The following NYAP2 variants were observed in gnomAD, a reference collection of about 807,000 sequenced individuals.
NYAP2 encodes the protein neuronal tyrosine-phosphorylated phosphoinositide-3-kinase adapter 2.
Under a neutral mutation model 50.4 loss-of-function variants are expected in NYAP2, and 23 were observed. The observed-to-expected ratio is 0.46, with a 90% CI of 0.33 to 0.65. NYAP2 has a LOEUF of 0.65. NYAP2 is among the 30% of genes least tolerant of loss of function. The pLI, the probability that NYAP2 is intolerant of heterozygous loss-of-function variation, is 0.02. For synonymous variants in NYAP2, 394 were observed against 365.2 expected, an observed-to-expected ratio of 1.08 and a Z score of -0.90; for missense variants, 885 against 861.0, an observed-to-expected ratio of 1.03 and a Z score of -0.35.
the NYAP2 span, among the ~76,000 whole-genome samples, chr2:225,682,852 A>C: frequency 6.6e-6 from 1 of 152,156 alleles, no homozygotes. Context: ...TGAGATCATA[A>C]AGGCAGATGT....
intron 6 of NYAP2, among the ~76,000 whole-genome samples, chr2:225,649,636 C>G (rs1240372013): frequency 1.3e-5 from 2 of 152,196 alleles, no homozygotes; most frequent in Admixed American, 1.3e-4. Flanking sequence ...CCACAAAGTG[C>G]TGAGATTATA....
At chr2:225,538,389 A>T (rs971707141) in intron 4 of NYAP2, among the ~76,000 whole-genome samples, 4 of 152,180 alleles carry the variant, frequency 2.6e-5, no homozygotes, top group Admixed American at 6.5e-5. Context: ...GGGTTCCCAA[A>T]CCCCAATTCT....
At chr2:225,553,154 C>T (rs1254825155) in intron 4 of NYAP2, among the ~76,000 whole-genome samples, 1 of 152,256 alleles carries the variant, frequency 6.6e-6, no homozygotes, top group Non-Finnish European at 1.5e-5. Flanking sequence ...GACGTCCCTG[C>T]CTGGCGGCGG....
At chr2:225,540,490 T>A (rs1163054311) in intron 4 of NYAP2, among the ~76,000 whole-genome samples, 2 of 152,102 alleles carry the variant, frequency 1.3e-5, no homozygotes, top group Non-Finnish European at 2.9e-5. Flanking sequence ...AACCATCCAA[T>A]CTCATGAGAC....
chr2:225,618,160 C>A (rs529045116), intron 5 of NYAP2, among the ~76,000 whole-genome samples: 3 of 152,250 alleles, frequency 2.0e-5, no homozygotes, highest in Admixed American at 6.5e-5. Context: ...CTCATAGGTA[C>A]CCCCAGCAGC....
At chr2:225,635,941 A>G (rs1174192527) in intron 6 of NYAP2, among the ~76,000 whole-genome samples, 2 of 152,224 alleles carry the variant, frequency 1.3e-5, no homozygotes, top group Non-Finnish European at 2.9e-5. Flanking sequence ...ATCTTCTCTA[A>G]TAAATATCCA....
intron 4 of NYAP2, among the ~76,000 whole-genome samples, chr2:225,557,679 C>T (rs1022047696): frequency 2.0e-5 from 3 of 152,094 alleles, no homozygotes; most frequent in East Asian, 3.8e-4. Flanking sequence ...TCAAATATGT[C>T]ATTCTAATGA....
At chr2:225,486,915 A>G (rs1690310234) in intron 3 of NYAP2, among the ~76,000 whole-genome samples, 1 of 152,242 alleles carries the variant, frequency 6.6e-6, no homozygotes, top group Admixed American at 6.5e-5. Flanking sequence ...GAAGGGCCCT[A>G]CAGTTAAGGG....
chr2:225,432,144 ATTTTTTTTTTT>A (rs751205603), intron 3 of NYAP2, among the ~76,000 whole-genome samples: 1 of 119,522 alleles, frequency 8.4e-6, no homozygotes, highest in African/African-American at 3.3e-5. Flanking sequence ...CGCCCGCCTA[ATTTTTTTTTTT>A]TTTTTTTTTT....
At chr2:225,401,025 C>T (rs1428616757) in exon 2 of NYAP2, 3 of 152,574 alleles carry the variant, frequency 2.0e-5, no homozygotes, top group Admixed American at 1.3e-4. Flanking sequence ...CTTAGCTCTC[C>T]CTGGGGACTT....
At chr2:225,498,716 A>T (rs560091113) in intron 3 of NYAP2, among the ~76,000 whole-genome samples, 9 of 152,294 alleles carry the variant, frequency 5.9e-5, no homozygotes, top group Admixed American at 2.0e-4. Flanking sequence ...TAGATGTGAA[A>T]TCTAGGTAGA....
chr2:225,524,645 C>T (rs1036067418), intron 4 of NYAP2, among the ~76,000 whole-genome samples: 12 of 152,080 alleles, frequency 7.9e-5, no homozygotes, highest in African/African-American at 2.9e-4. Flanking sequence ...CTATACAAGT[C>T]CTAGGAGAAA....
At chr2:225,623,567 G>A (rs1693160391) in intron 5 of NYAP2, among the ~76,000 whole-genome samples, 1 of 151,992 alleles carries the variant, frequency 6.6e-6, no homozygotes, top group Admixed American at 6.5e-5. Context: ...TTTTCAGACT[G>A]GGGACAATGA....
chr2:225,521,507 C>A (rs1241239213), intron 4 of NYAP2, among the ~76,000 whole-genome samples: 3 of 152,146 alleles, frequency 2.0e-5, no homozygotes, highest in Non-Finnish European at 4.4e-5. Flanking sequence ...TTGTCGAAGG[C>A]CTTTTCTGCA....
intron 3 of NYAP2, among the ~76,000 whole-genome samples, chr2:225,414,124 A>T (rs540933703): frequency 6.6e-6 from 1 of 152,182 alleles, no homozygotes; most frequent in Admixed American, 6.5e-5. Context: ...TCTGAGCCCA[A>T]TTCCTTATTT....
In NYAP2 at chr2:225,401,054, C is replaced by G. The variant is rs1694852128; in HGVS notation, c.-18+11C>G. The G allele has an allele frequency of 6.6e-6, 1 of 152,544 alleles. No homozygotes were observed. Among genetic ancestry groups the G allele is most frequent in the Non-Finnish European group, 1.5e-5 (1 of 68,006 alleles). 9.4% of individuals were successfully genotyped at this position (152,544 alleles called of 1,614,324 possible). Reference sequence around the variant, plus strand: ...GGGACTTAAATTTTGGTATGTATCTCATTTTTCAGATTCTCTAAGCATGCT... The same window carrying G: ...GGGACTTAAATTTTGGTATGTATCTGATTTTTCAGATTCTCTAAGCATGCT... On this transcript the variant is annotated intron_variant, in intron 2 of 6. Transcript: ENST00000636099.
chr2:225,612,796 G>GGACATCACAACCAATGTGTGTGAT (rs1692916914), intron 5 of NYAP2, among the ~76,000 whole-genome samples: 2 of 124,390 alleles, frequency 1.6e-5, no homozygotes, highest in African/African-American at 2.9e-5. Context: ...CCCCACCTTT[G>GGACATCACAACCAATGTGTGTGAT]GACATCACAC....
At chr2:225,489,829 C>T (rs1389329248) in intron 3 of NYAP2, among the ~76,000 whole-genome samples, 1 of 152,086 alleles carries the variant, frequency 6.6e-6, no homozygotes, top group Non-Finnish European at 1.5e-5. Flanking sequence ...GACCTTGACC[C>T]AGATCAAATA....
intron 3 of NYAP2, among the ~76,000 whole-genome samples, chr2:225,466,716 T>C (rs1269335300): frequency 6.6e-6 from 1 of 152,198 alleles, no homozygotes; most frequent in Non-Finnish European, 1.5e-5. Context: ...TAAGTCAAGA[T>C]GGTATCTAAA....
Sources: allele counts gnomAD v4.1 joint callset (sites outside exome capture counted in the v4.1 genomes callset), GRCh38; gene constraint gnomAD v4.1.1; transcripts MANE v1.5; gene names NCBI Gene and HGNC (gene_info 2026-07-23, HGNC 2026-07-21).